The following AKAP12 variants were observed in gnomAD, a reference collection of about 807,000 sequenced individuals.
AKAP12 encodes the protein A-kinase anchoring protein 12, also known as A-kinase anchor protein 12.
In AKAP12, 32 loss-of-function variants were observed where a neutral mutation model predicts 79.9. The observed-to-expected ratio is 0.40, with a 90% CI of 0.30 to 0.54. The LOEUF (loss-of-function observed/expected upper bound fraction) is 0.54. Ranked by LOEUF, AKAP12 falls within the 20% of genes least tolerant of loss-of-function variation. AKAP12 has a pLI of 0.48. For synonymous variants in AKAP12, 808 were observed against 857.0 expected (o/e 0.94, Z 1.00); for missense variants, 2,074 against 2,177.0 (o/e 0.95, Z 0.94).
intron 2 of AKAP12, among the ~76,000 whole-genome samples, chr6:151,256,913 T>C (rs190133673): frequency 1.1e-3 from 168 of 147,664 alleles, no homozygotes; most frequent in Non-Finnish European, 2.0e-3. Context: ...CCTCCCAACG[T>C]GTTGGGATTA....
rs145206802 is a variant in AKAP12, at chr6:151,353,078, C to T, written c.4687C>T (p.Arg1563Cys). The change falls in exon 4 of 5, where the codon CGT becomes TGT. Residue 1563 changes from arginine (R) to cysteine (C), a missense_variant. Physicochemically the swap from Arg to Cys is radical, Grantham distance 180. Around this residue, in one of 3 missense-constraint regions of AKAP12, gnomAD observed 614 missense variants for 665.6 expected, o/e 0.92. Transcript: ENST00000402676. ...CCAGACAGCCGTTGACCAGTTTGTACGTACAGAAGAAACAGCCACCGAAAT... is the reference window on the plus strand; with the variant it reads ...CCAGACAGCCGTTGACCAGTTTGTATGTACAGAAGAAACAGCCACCGAAAT... The part of the protein sequence containing the change: ...IIQTAVDQFV[R>C]TEETATEMLT... 261 of 1,614,136 alleles carry T rather than the reference C, an allele frequency of 1.6e-4. No homozygotes were observed. The highest frequency in any genetic ancestry group is 8.0e-4 in the Admixed American group (48 of 60,026).
chr6:151,351,781 A>G lies in AKAP12; in HGVS notation c.3390A>G (p.Ile1130Met). The change falls in exon 4 of 5, where the codon ATA (isoleucine) becomes ATG (methionine). Residue 1130 changes from isoleucine (I) to methionine (M), a missense_variant. Transcript: ENST00000402676. This position sits in a 1 kb window ranked among gnomAD's most constrained non-coding sequence, Gnocchi z 4.4. ...AAGCTCCTCAAGTCACAGAGAGCAT[A>G]GAGTCCAGTGAGCTTGTAACCACTT... ...FEKAPQVTES[I>M]ESSELVTTCQ... The G allele has an allele frequency of 6.2e-7, 1 of 1,614,208 alleles. No homozygotes were observed. The highest frequency in any genetic ancestry group is 1.1e-5 in the South Asian group (1 of 91,074).
Position 151,349,473 on chromosome 6 carries a change from C to T in AKAP12, c.1082C>T (p.Pro361Leu), listed in dbSNP as rs1202865892. ...TASEQAHPQE[P>L]AESAHEPRLS... is the part of the protein sequence containing the mutation. ...TCCGAGCAAGCCCACCCACAGGAGCCGGCAGAAAGTGCCCACGAGCCCCGG... is the reference window on the plus strand; with the variant it reads ...TCCGAGCAAGCCCACCCACAGGAGCTGGCAGAAAGTGCCCACGAGCCCCGG... Residue 361 changes from proline (P) to leucine (L), a missense_variant, in exon 4 of 5, where the codon CCG becomes CTG. Pro to Leu is a moderately conservative substitution (Grantham distance 98). Coordinates refer to ENST00000402676, the MANE Select transcript of AKAP12 (RefSeq NM_005100.4). 9.3e-6 allele frequency: 15 copies of T among 1,605,826 alleles called. No individual in the cohort carries two copies. The highest frequency in any genetic ancestry group is 1.4e-5 in the African/African-American group (1 of 73,856).
In AKAP12 at chr6:151,244,383, G is replaced by A. The variant is rs369495718; in HGVS notation, c.162+3659G>A. Reference sequence around the variant, plus strand: ...ACTAAAAATACAAAAAATTAGCCAGGCGTGGTGGCGGGCGCCTGTAGTCCC... The same window carrying A: ...ACTAAAAATACAAAAAATTAGCCAGACGTGGTGGCGGGCGCCTGTAGTCCC... On this transcript the variant is annotated intron_variant, in intron 2 of 4. Transcript: ENST00000402676. Among the ~76,000 whole-genome samples the A allele has an allele frequency of 4.5e-4, 69 of 152,292 alleles. 1 individual carries two copies. In the South Asian group the frequency reaches 8.5e-3, roughly 19 times the overall value.
At chr6:151,265,628 A>G (rs1337878281) in intron 2 of AKAP12, among the ~76,000 whole-genome samples, 1 of 152,248 alleles carries the variant, frequency 6.6e-6, no homozygotes, top group Non-Finnish European at 1.5e-5. Flanking sequence ...ACCTTTAGGG[A>G]AAAAGGACCA....
At chr6:151,303,783 A>G (rs1488787235) in intron 2 of AKAP12, among the ~76,000 whole-genome samples, 2 of 152,204 alleles carry the variant, frequency 1.3e-5, no homozygotes, top group African/African-American at 4.8e-5. Flanking sequence ...CATGGCACGT[A>G]TCTTTGTAAT....
chr6:151,336,801 C>T (rs1351238302), intron 3 of AKAP12, among the ~76,000 whole-genome samples: 1 of 152,160 alleles, frequency 6.6e-6, no homozygotes. Context: ...TTTTAATTTG[C>T]ATTTCTCTGA....
In AKAP12 at chr6:151,350,119, C is replaced by T. The variant is rs141759723; in HGVS notation, c.1728C>T (p.Ile576=). 3 of 1,613,854 alleles carry T rather than the reference C, an allele frequency of 1.9e-6. No homozygotes were observed. The highest frequency in any genetic ancestry group is 2.5e-6 in the Non-Finnish European group (3 of 1,179,970). ...SASSPEEPEE[I]TCLEKGLAEV... is the part of the protein sequence containing the mutation. ...CATCCCCTGAGGAGCCCGAGGAGAT[C>T]ACGTGTCTGGAAAAGGGCTTAGCCG... Residue 576 remains isoleucine (I), a synonymous_variant, in exon 4 of 5, where the codon ATC becomes ATT. Coordinates refer to ENST00000402676, the MANE Select transcript of AKAP12 (RefSeq NM_005100.4). This position sits in a 1 kb window ranked among gnomAD's most constrained non-coding sequence, Gnocchi z 4.8.
intron 2 of AKAP12, among the ~76,000 whole-genome samples, chr6:151,252,199 C>CTT (rs535309198): frequency 6.3e-4 from 91 of 143,642 alleles, no homozygotes; most frequent in African/African-American, 2.1e-3. Flanking sequence ...AAGTTTCTTT[C>CTT]TTTTTTTTTT....
intron 2 of AKAP12, among the ~76,000 whole-genome samples, chr6:151,266,973 C>T (rs1243373200): frequency 1.4e-5 from 2 of 141,804 alleles, no homozygotes; most frequent in Non-Finnish European, 3.0e-5. Context: ...GCCGAGATCG[C>T]GCCACTGCAC....
intron 2 of AKAP12, among the ~76,000 whole-genome samples, chr6:151,252,617 G>A (rs1797203097): frequency 6.6e-6 from 1 of 151,812 alleles, no homozygotes; most frequent in Non-Finnish European, 1.5e-5. Context: ...GGTGAGCATG[G>A]TGGCTCATGG....
At chr6:151,322,184 A>G (rs1182561747) in intron 3 of AKAP12, among the ~76,000 whole-genome samples, 2 of 152,096 alleles carry the variant, frequency 1.3e-5, no homozygotes, top group African/African-American at 4.8e-5. Context: ...CTGGGATCAC[A>G]GGTGTGAGCC....
intron 3 of AKAP12, among the ~76,000 whole-genome samples, chr6:151,331,556 T>C (rs1777666277): frequency 6.6e-6 from 1 of 152,202 alleles, no homozygotes; most frequent in African/African-American, 2.4e-5. Context: ...ATGAAGTAGC[T>C]TCATCCATAT....
At position 151,251,857 on chromosome 6, in the gene AKAP12, C is replaced by G. The variant is rs553409304; in HGVS notation, c.162+11133C>G. Among the ~76,000 whole-genome samples, 9 of 152,190 alleles carry G rather than the reference C, an allele frequency of 5.9e-5. No homozygotes were observed. The East Asian group carries it at 7.8e-4, about 13-fold the overall frequency. On this transcript the variant is annotated intron_variant, in intron 2 of 4. Transcript: ENST00000402676. ...ACTAAAAATACAAAAATTAGCCAGG[C>G]ATGGTGGCACGCGCCTGTAGTCCCA... is the stretch of plus-strand genomic sequence containing the variant.
intron 2 of AKAP12, among the ~76,000 whole-genome samples, chr6:151,282,301 G>A (rs1019685813): frequency 3.8e-4 from 58 of 152,138 alleles, no homozygotes; most frequent in African/African-American, 1.2e-3. Flanking sequence ...GTAGAGACAG[G>A]GTTTTGCCAT....
intron 3 of AKAP12, chr6:151,319,490 A>ACTG (rs1777316738): frequency 2.5e-5 from 3 of 118,850 alleles, no homozygotes; most frequent in African/African-American, 1.1e-4. Context: ...TCTATCTACT[A>ACTG]TCTATAACTA....
At chr6:151,249,855 G>A (rs1797141642) in intron 2 of AKAP12, among the ~76,000 whole-genome samples, 1 of 152,236 alleles carries the variant, frequency 6.6e-6, no homozygotes, top group Non-Finnish European at 1.5e-5. Context: ...GTTTAAAATA[G>A]TTTTATATTC....
At chr6:151,268,793 G>A (rs1463032339) in intron 2 of AKAP12, among the ~76,000 whole-genome samples, 2 of 151,976 alleles carry the variant, frequency 1.3e-5, no homozygotes, top group Non-Finnish European at 2.9e-5. Context: ...ACAGGCATGT[G>A]CCACCATGCC....
chr6:151,282,659 G>A (rs1019315112), intron 2 of AKAP12, among the ~76,000 whole-genome samples: 31 of 152,162 alleles, frequency 2.0e-4, no homozygotes, highest in Admixed American at 6.5e-5. Flanking sequence ...GGGGCTCTCC[G>A]CAGTGAGGGG....
Sources: gnomAD v4.1 joint callset for allele counts (sites outside exome capture counted in the v4.1 genomes callset) on GRCh38, gnomAD v4.1.1 for gene constraint, gnomAD v4.1.1 regional missense constraint, Gnocchi (gnomAD v3.1) non-coding constraint, MANE v1.5 for transcripts, NCBI Gene and HGNC (gene_info 2026-07-23, HGNC 2026-07-21) for gene names.